THSD7B: variants seen among roughly 807,000 people sequenced by gnomAD.
THSD7B encodes the protein thrombospondin type-1 domain-containing protein 7B.
In THSD7B, 138 loss-of-function variants were observed where a neutral mutation model predicts 213.6. The ratio of observed to expected loss-of-function variants is 0.65; its 90% confidence interval spans 0.56 to 0.74. The LOEUF (loss-of-function observed/expected upper bound fraction) is 0.74, where lower values mean the gene tolerates loss of function less well. Among genes scored for constraint, THSD7B ranks in the 30% least tolerant of loss-of-function variants. THSD7B has a pLI of 0.00. For missense variants in THSD7B, 1,931 were observed against 1,991.5 expected (o/e 0.97, Z 0.58); for synonymous variants, 742 against 687.0 (o/e 1.08, Z -1.25).
At chr2:137,275,830 C>T in intron 11 of THSD7B, 93 bp from the exon 12 acceptor site, 1 of 921,458 alleles carries the variant, frequency 1.1e-6, no homozygotes, top group South Asian at 1.7e-5. Context: ...GAATTACTGT[C>T]TTTACTTTTT....
At chr2:137,550,064 A>C (rs1324665671) in intron 15 of THSD7B, among the ~76,000 whole-genome samples, 1 of 152,076 alleles carries the variant, frequency 6.6e-6, no homozygotes, top group Non-Finnish European at 1.5e-5. Flanking sequence ...GGCAGTGGGA[A>C]GCATCTCCCA....
intron 1 of THSD7B, among the ~76,000 whole-genome samples, chr2:136,821,210 T>C (rs895387298): frequency 2.0e-5 from 3 of 151,488 alleles, no homozygotes; most frequent in Non-Finnish European, 4.4e-5. Flanking sequence ...CTATTTTTTT[T>C]CCCAGTAATT....
In THSD7B at chr2:137,659,796, A is replaced by C. The variant is rs371409340; in HGVS notation, c.4458+50A>C. The C allele has an allele frequency of 2.9e-5, 45 of 1,530,428 alleles. 1 individual carries two copies. The South Asian group carries it at 5.0e-4, about 17-fold the overall frequency. The allele number at this position is 1,530,428 out of a possible 1,614,324, so 94.8% of individuals were successfully genotyped here. A position where few individuals can be genotyped will look rare whatever the true frequency, so the allele number is the denominator to read the frequency against. Reference sequence around the variant, plus strand: ...ATAAGTGCATTAATTGCTGTGTTTTACACATGCAATCAGATGTTCTCCTGC... The same window carrying C: ...ATAAGTGCATTAATTGCTGTGTTTTCCACATGCAATCAGATGTTCTCCTGC... On this transcript the variant is annotated intron_variant, in intron 25 of 27. Coordinates refer to ENST00000409968, the MANE Select transcript of THSD7B (RefSeq NM_001316349.2).
At chr2:137,063,332 T>A (rs1687314562) in intron 3 of THSD7B, among the ~76,000 whole-genome samples, 1 of 151,968 alleles carries the variant, frequency 6.6e-6, no homozygotes, top group South Asian at 2.1e-4. Flanking sequence ...TATTTTTCAT[T>A]TATTGTCCTT....
intron 5 of THSD7B, among the ~76,000 whole-genome samples, chr2:137,118,283 C>A (rs1408943872): frequency 1.3e-5 from 2 of 152,076 alleles, no homozygotes; most frequent in Non-Finnish European, 2.9e-5. Context: ...AAAATTAAAG[C>A]CACTCAGTTT....
intron 14 of THSD7B, among the ~76,000 whole-genome samples, chr2:137,415,757 C>T (rs563646916): frequency 2.7e-5 from 4 of 147,120 alleles, no homozygotes; most frequent in Middle Eastern, 3.6e-3. Flanking sequence ...CTGGCCCTGC[C>T]TTCATCTCTC....
At chr2:136,925,083 T>C (rs1684501089) in intron 2 of THSD7B, among the ~76,000 whole-genome samples, 1 of 152,174 alleles carries the variant, frequency 6.6e-6, no homozygotes, top group Non-Finnish European at 1.5e-5. Flanking sequence ...GTGTGAAATC[T>C]TTAGGCTTTT....
intron 1 of THSD7B, among the ~76,000 whole-genome samples, chr2:136,828,474 C>T (rs1339624646): frequency 6.6e-6 from 1 of 152,192 alleles, no homozygotes; most frequent in Non-Finnish European, 1.5e-5. Context: ...CCCATATCTG[C>T]TCCTGTCTTT....
At chr2:136,908,909 G>A (rs866317702) in intron 2 of THSD7B, among the ~76,000 whole-genome samples, 3 of 152,100 alleles carry the variant, frequency 2.0e-5, no homozygotes, top group Non-Finnish European at 2.9e-5. Context: ...GTCTGGGCGC[G>A]GTGGCTAACA....
rs555671027 is a variant in THSD7B at position 137,464,076 on chromosome 2, G to A, written c.3138+13053G>A. Among the ~76,000 whole-genome samples the A allele has an allele frequency of 6.4e-4, 98 of 152,158 alleles. 1 individual carries two copies. Among genetic ancestry groups the A allele is most frequent in the African/African-American group, 2.3e-3 (95 of 41,538 alleles). Reference sequence around the variant, plus strand: ...CCATAGGAATATAGATATTTGTCATGCCAGCCGGACCCTGAATCTCTAACT... The same window carrying A: ...CCATAGGAATATAGATATTTGTCATACCAGCCGGACCCTGAATCTCTAACT... On this transcript the variant is annotated intron_variant, in intron 15 of 27. Transcript: ENST00000409968.
intron 7 of THSD7B, among the ~76,000 whole-genome samples, chr2:137,185,055 GAATA>G (rs2105009176): frequency 6.6e-6 from 1 of 152,138 alleles, no homozygotes; most frequent in Non-Finnish European, 1.5e-5. Context: ...ACATTATGGA[GAATA>G]AAAATGGCAT....
At chr2:136,902,726 A>G (rs1684084002) in intron 2 of THSD7B, among the ~76,000 whole-genome samples, 1 of 152,228 alleles carries the variant, frequency 6.6e-6, no homozygotes, top group Admixed American at 6.5e-5. Flanking sequence ...CACAGGAGAA[A>G]GGACAGATGA....
intron 1 of THSD7B, among the ~76,000 whole-genome samples, chr2:136,807,386 T>G (rs1173950950): frequency 6.6e-6 from 1 of 152,222 alleles, no homozygotes; most frequent in Non-Finnish European, 1.5e-5. Flanking sequence ...ATTTATTTTT[T>G]GCAGACATTA....
At chr2:137,037,120 C>T (rs7569190) in intron 2 of THSD7B, among the ~76,000 whole-genome samples, 88,067 of 151,562 alleles carry the variant, frequency 0.58, 29,536 homozygotes, top group Non-Finnish European at 0.73. Flanking sequence ...TCCTTTTTTT[C>T]CCCTAAGGGA....
intron 1 of THSD7B, among the ~76,000 whole-genome samples, chr2:136,826,636 C>A (rs1682650555): frequency 6.6e-6 from 1 of 152,100 alleles, no homozygotes; most frequent in African/African-American, 2.4e-5. Flanking sequence ...AAGTTAGATT[C>A]TTCATTCATG....
At chr2:137,071,725 G>C (rs1447220422) in intron 3 of THSD7B, among the ~76,000 whole-genome samples, 1 of 152,094 alleles carries the variant, frequency 6.6e-6, no homozygotes, top group Non-Finnish European at 1.5e-5. Flanking sequence ...TTCTTCTAGG[G>C]TTTTTATGGT....
chr2:136,831,336 A>G (rs1176729598), intron 1 of THSD7B, among the ~76,000 whole-genome samples: 1 of 152,154 alleles, frequency 6.6e-6, no homozygotes, highest in Non-Finnish European at 1.5e-5. Context: ...GACCCATATA[A>G]CCTAATCCTA....
intron 2 of THSD7B, among the ~76,000 whole-genome samples, chr2:136,944,690 T>G (rs1200688837): frequency 1.0e-4 from 15 of 150,142 alleles, no homozygotes; most frequent in South Asian, 2.1e-4. Context: ...TGTTTTATCA[T>G]AAACTAGGAT....
chr2:137,096,971 G>A (rs1688051021), intron 4 of THSD7B, among the ~76,000 whole-genome samples: 1 of 152,186 alleles, frequency 6.6e-6, no homozygotes, highest in Admixed American at 6.5e-5. Flanking sequence ...CAGAAAGAGA[G>A]TATCTCTTTT....
Sources: gnomAD v4.1 joint callset for allele counts (sites outside exome capture counted in the v4.1 genomes callset) on GRCh38, gnomAD v4.1.1 for gene constraint, MANE v1.5 for transcripts, NCBI Gene and HGNC (gene_info 2026-07-23, HGNC 2026-07-21) for gene names.